Variants in RUFY4 observed in about 807,000 individuals in gnomAD.
The protein encoded by RUFY4 is RUN and FYVE domain containing 4.
A neutral mutation model predicts 69.0 loss-of-function variants in RUFY4; 73 were observed. The ratio of observed to expected loss-of-function variants is 1.06; its 90% CI spans 0.88 to 1.29. RUFY4 has a LOEUF of 1.29. Among genes scored for constraint, RUFY4 ranks in the 50% most tolerant of loss-of-function variants. The pLI, the probability that RUFY4 is intolerant of heterozygous loss-of-function variation, is 0.00. For missense variants in RUFY4, 770 were observed against 705.6 expected (o/e 1.09, Z -1.03); for synonymous variants, 287 against 271.8 (o/e 1.06, Z -0.55).
At position 218,086,056 on chromosome 2, in the gene RUFY4, T is replaced by G. The variant is rs111807265; in HGVS notation, c.1502+2800T>G. Among the ~76,000 whole-genome samples, 212 of 152,260 alleles carry G rather than the reference T, an allele frequency of 1.4e-3. 1 individual carries two copies. The highest frequency in any genetic ancestry group is 4.9e-3 in the African/African-American group (203 of 41,550). On this transcript the variant is annotated intron_variant, in intron 9 of 10. Transcript: ENST00000344321. ...GCTATAAAAAGCAGCTGTCAAAAGA[T>G]GAAAAACATTCTTGGAAATTAAAAA...
upstream of RUFY4, chr2:218,065,476 T>C (rs1332251251): frequency 6.6e-6 from 1 of 152,380 alleles, no homozygotes; most frequent in Non-Finnish European, 1.5e-5. Flanking sequence ...ACCCTAACCT[T>C]GCCGGGCCTG....
intron 2 of RUFY4, among the ~76,000 whole-genome samples, chr2:218,054,730 A>G (rs6726879): frequency 0.083 from 12,688 of 152,230 alleles, 1,631 homozygotes; most frequent in African/African-American, 0.28. Context: ...AAATATTGTT[A>G]GTTCTTTACT....
upstream of RUFY4, chr2:218,068,932 G>A (rs1421125811): frequency 6.6e-6 from 1 of 152,380 alleles, no homozygotes; most frequent in Non-Finnish European, 1.5e-5. Flanking sequence ...GACAACCACA[G>A]GAATAGCAGC....
intron 9 of RUFY4, among the ~76,000 whole-genome samples, chr2:218,085,737 T>C: frequency 6.6e-6 from 1 of 152,166 alleles, no homozygotes; most frequent in East Asian, 1.9e-4. Flanking sequence ...CCCAAGCAAA[T>C]GATCAAAAGA....
intron 8 of RUFY4, among the ~76,000 whole-genome samples, chr2:218,079,780 C>T (rs1240989543): frequency 6.6e-6 from 1 of 152,134 alleles, no homozygotes; most frequent in Non-Finnish European, 1.5e-5. Context: ...TGCCGAGGGA[C>T]CCATTCATTC....
chr2:218,079,132 G>T (rs575234505), intron 8 of RUFY4, among the ~76,000 whole-genome samples: 1 of 152,182 alleles, frequency 6.6e-6, no homozygotes, highest in Non-Finnish European at 1.5e-5. Context: ...GCCTCCCAAA[G>T]TGTAGAGATT....
intron 3 of RUFY4, among the ~76,000 whole-genome samples, chr2:218,063,891 T>G (rs1325887702): frequency 6.6e-6 from 1 of 151,972 alleles, no homozygotes; most frequent in African/African-American, 2.4e-5. Context: ...CACCTCTGAG[T>G]CTCCTCTTCT....
intron 9 of RUFY4, among the ~76,000 whole-genome samples, chr2:218,083,785 G>A (rs917158931): frequency 1.3e-5 from 2 of 151,288 alleles, no homozygotes; most frequent in African/African-American, 2.4e-5. Flanking sequence ...AGGACACATA[G>A]CATATAAATT....
intron 10 of RUFY4, among the ~76,000 whole-genome samples, 153 bp downstream of exon 12, chr2:218,089,515 C>A (rs143767741): frequency 1.3e-5 from 2 of 152,322 alleles, no homozygotes; most frequent in African/African-American, 4.8e-5. Context: ...CATCTGGCTT[C>A]CAACACTAAG....
intron 2 of RUFY4, among the ~76,000 whole-genome samples, chr2:218,040,688 G>A (rs1296106720): frequency 6.6e-6 from 1 of 152,034 alleles, no homozygotes; most frequent in Non-Finnish European, 1.5e-5. Context: ...CCAATTTGAT[G>A]TTTATTGCTT....
At chr2:218,073,127 A>G (rs55900869) in intron 4 of RUFY4, 116 bp from the exon 7 acceptor site, 151,754 of 1,239,202 alleles carry the variant, frequency 0.12, 12,598 homozygotes, top group African/African-American at 0.36. Flanking sequence ...GAACAGCCTC[A>G]TGACGGTGTG....
At chr2:218,086,157 T>C (rs1271279939) in intron 9 of RUFY4, among the ~76,000 whole-genome samples, 1 of 152,160 alleles carries the variant, frequency 6.6e-6, no homozygotes, top group East Asian at 1.9e-4. Flanking sequence ...GGCAGTCTCT[T>C]AGAAGGTAGA....
intron 9 of RUFY4, among the ~76,000 whole-genome samples, chr2:218,087,962 T>C (rs1039254459): frequency 6.6e-6 from 1 of 152,120 alleles, no homozygotes; most frequent in African/African-American, 2.4e-5. Flanking sequence ...AGGAGCTCTA[T>C]AGAGAATGTT....
rs767998455 is a variant in RUFY4, at chr2:218,073,404, G to A, written c.530+18G>A. ...TTCTCAGAGTGAGTGGGTGCAGCCA[G>A]GAGAGAAGTCTCTTTTGACACCTGG... On this transcript the variant is annotated intron_variant, in intron 5 of 10. Coordinates refer to ENST00000344321, the Ensembl canonical transcript of RUFY4. The A allele has an allele frequency of 1.3e-6, 2 of 1,583,058 alleles. No homozygotes were observed. Among genetic ancestry groups the A allele is most frequent in the South Asian group, 1.2e-5 (1 of 86,194 alleles).
At chr2:218,051,936 A>G (rs1168882133) in intron 2 of RUFY4, among the ~76,000 whole-genome samples, 1 of 152,090 alleles carries the variant, frequency 6.6e-6, no homozygotes, top group African/African-American at 2.4e-5. Flanking sequence ...CCTTTTTTCT[A>G]TTTTAAATTT....
At chr2:218,038,134 G>A (rs1437903560) in intron 2 of RUFY4, among the ~76,000 whole-genome samples, 1 of 152,008 alleles carries the variant, frequency 6.6e-6, no homozygotes, top group East Asian at 1.9e-4. Context: ...CAGTCCAATG[G>A]TATGATCTTA....
intron 8 of RUFY4, among the ~76,000 whole-genome samples, chr2:218,077,810 C>T (rs983809872): frequency 2.8e-4 from 43 of 152,246 alleles, no homozygotes; most frequent in African/African-American, 8.4e-4. Context: ...CCACTCCACA[C>T]TCAGCTGAGC....
chr2:218,075,302 G>A (rs1689598612), exon 7 of RUFY4: 1 of 1,605,914 alleles, frequency 6.2e-7, no homozygotes, highest in Non-Finnish European at 8.5e-7. Context: ...AGCCAGAAGG[G>A]AAGGAGCTTC....
chr2:218,078,120 C>G (rs906751575), intron 8 of RUFY4, among the ~76,000 whole-genome samples: 1 of 152,236 alleles, frequency 6.6e-6, no homozygotes, highest in African/African-American at 2.4e-5. Flanking sequence ...AACGCCTGCC[C>G]TCATGGAGCT....
Sources: gnomAD v4.1 joint callset for allele counts (sites outside exome capture counted in the v4.1 genomes callset) on GRCh38, gnomAD v4.1.1 for gene constraint, MANE v1.5 for transcripts, NCBI Gene and HGNC (gene_info 2026-07-23, HGNC 2026-07-21) for gene names.